Variants in GET1 observed in about 807,000 individuals in gnomAD.
GET1 encodes the protein guided entry of tail-anchored proteins factor 1, also known as congenital heart disease 5 protein.
Under a neutral mutation model 22.6 loss-of-function variants are expected in GET1, and 20 were observed. That is an observed-to-expected ratio of 0.89 (90% CI 0.62 to 1.29). The LOEUF is 1.29. Ranked by LOEUF, GET1 falls within the 50% of genes most tolerant of loss-of-function variation. GET1 has a pLI of 0.00. For missense variants in GET1, 209 were observed against 219.9 expected (o/e 0.95, Z 0.31); for synonymous variants, 92 against 83.8 (o/e 1.10, Z -0.53).
chr21:39,403,916 C>T (rs1392758335), intron 4 of GET1, among the ~76,000 whole-genome samples: 1 of 151,960 alleles, frequency 6.6e-6, no homozygotes, highest in East Asian at 1.9e-4. Flanking sequence ...CCACTGCGCC[C>T]GGCTCTATTT....
chr21:39,411,497 G>A (rs1320462760), downstream of GET1, among the ~76,000 whole-genome samples: 1 of 152,158 alleles, frequency 6.6e-6, no homozygotes, highest in Admixed American at 6.6e-5. Context: ...CTGAAGAAAG[G>A]ACATAAAGGG....
intron 1 of GET1, among the ~76,000 whole-genome samples, chr21:39,414,673 TAG>T (rs1486331740): frequency 6.6e-6 from 1 of 150,760 alleles, no homozygotes; most frequent in East Asian, 2.0e-4. Flanking sequence ...CTGCCAAGGC[TAG>T]GTCATAAAAG....
chr21:39,392,992 G>A (rs1167481683), intron 3 of GET1, 174 bp from the exon 4 acceptor site: 2 of 567,636 alleles, frequency 3.5e-6, no homozygotes, highest in Admixed American at 3.1e-5. Context: ...TTCACCAAGG[G>A]ACATTAGTGG....
chr21:39,420,582 A>T, intron 1 of GET1: 1 of 583,348 alleles, frequency 1.7e-6, no homozygotes, highest in South Asian at 4.1e-5. Context: ...CCCCCTACAA[A>T]GGGTAGAGGA....
rs1260671917 is a variant in GET1, at chr21:39,393,168, T to A, written c.339T>A (p.Ala113=). 1.2e-6 allele frequency: 2 copies of A among 1,614,042 alleles called. No individual in the cohort carries two copies. Among genetic ancestry groups the A allele is most frequent in the Middle Eastern group, 1.7e-4 (1 of 6,056 alleles). The change falls in exon 4 of 5, where the codon GCT becomes GCA. Residue 113 remains alanine, a splice_region_variant and synonymous_variant. Coordinates refer to ENST00000649170, the MANE Select transcript of GET1 (RefSeq NM_004627.6). ...VISVAFYVLQ[A]ALMISLIWKY... ...GCTCACCAGAGGTGTCTTTACAGGC[T>A]GCCCTGATGATCTCACTCATTTGGA...
chr21:39,414,070 AC>A (rs2040592856), intron 1 of GET1: 1 of 152,244 alleles, frequency 6.6e-6, no homozygotes, highest in Non-Finnish European at 1.5e-5. Flanking sequence ...AACCCGGGAT[AC>A]TTGTGTGGTT....
rs576590196 is a variant in GET1, at chr21:39,396,269, G to A, written c.452-597G>A. 9.9e-5 allele frequency among the ~76,000 whole-genome samples: 15 copies of A among 152,224 alleles called. No individual in the cohort carries two copies. In the South Asian group the frequency reaches 2.9e-3, roughly 29 times the overall value. On this transcript the variant is annotated intron_variant, in intron 4 of 4. Transcript: ENST00000649170. Reference sequence around the variant, plus strand: ...AATTAGCCGGGTGTCGGCCGGGTGCGGTGGCTCATGCCTGTAATCCCAGCA... The same window carrying A: ...AATTAGCCGGGTGTCGGCCGGGTGCAGTGGCTCATGCCTGTAATCCCAGCA...
At chr21:39,395,379 T>C (rs1282775897) in intron 4 of GET1, among the ~76,000 whole-genome samples, 1 of 152,114 alleles carries the variant, frequency 6.6e-6, no homozygotes, top group Non-Finnish European at 1.5e-5. Flanking sequence ...TTTTTTTTTT[T>C]TTTAAGACCG....
chr21:39,391,403 G>A (rs921116672), intron 2 of GET1: 3 of 281,058 alleles, frequency 1.1e-5, no homozygotes, highest in Non-Finnish European at 2.0e-5. Context: ...CCAGGCCCAG[G>A]ACAAGCTGGA....
intron 1 of GET1, chr21:39,428,069 G>T: frequency 5.8e-6 from 4 of 684,038 alleles, no homozygotes; most frequent in South Asian, 1.9e-5. Context: ...TTACAATATG[G>T]GAAAACAATA....
intron 1 of GET1, chr21:39,387,844 C>A (rs1297069596): frequency 1.0e-6 from 1 of 984,520 alleles, no homozygotes; most frequent in African/African-American, 1.8e-5. Flanking sequence ...GTGCGGCAGG[C>A]GGAGGAGACC....
chr21:39,421,778 G>A lies in GET1; in HGVS notation c.*24-6454G>A, dbSNP rs145661880. 60 of 152,286 alleles carry A rather than the reference G, an allele frequency of 3.9e-4. No homozygotes were observed. In the East Asian group the frequency reaches 9.1e-3, roughly 23 times the overall value. The allele number at this position is 152,286 out of a possible 1,614,324, so 9.4% of individuals were successfully genotyped here. On this transcript the variant is annotated intron_variant, in intron 1 of 1. Transcript: ENST00000478273. ...AAATACCACTCCCTAAAACATTAAT[G>A]TTAAAGAAATAACATGTTTTGGTCC...
chr21:39,395,869 G>A (rs2038609049), intron 4 of GET1, among the ~76,000 whole-genome samples: 1 of 152,206 alleles, frequency 6.6e-6, no homozygotes, highest in African/African-American at 2.4e-5. Context: ...AGGGGGATAT[G>A]TATGCCTCTC....
At position 39,394,255 on chromosome 21, in the gene GET1, G is replaced by A. The variant is rs8131718; in HGVS notation, c.451+975G>A. 2.6e-5 allele frequency among the ~76,000 whole-genome samples: 4 copies of A among 152,026 alleles called. No homozygotes were observed. In the East Asian group the frequency reaches 5.9e-4, roughly 22 times the overall value. ...TGAGGTGTGAGAATCACTTGAATCCGAGAGGTTGCAGTGAGCTGAGATCAC... is the reference window on the plus strand; with the variant it reads ...TGAGGTGTGAGAATCACTTGAATCCAAGAGGTTGCAGTGAGCTGAGATCAC... On this transcript the variant is annotated intron_variant, in intron 4 of 4. Transcript: ENST00000649170.
intron 4 of GET1, among the ~76,000 whole-genome samples, chr21:39,403,647 A>T (rs2038901566): frequency 6.8e-6 from 1 of 148,078 alleles, no homozygotes; most frequent in Non-Finnish European, 1.5e-5. Context: ...TTTGAGATGG[A>T]GTCTCACTCT....
intron 4 of GET1, 134 bp downstream of exon 4, chr21:39,393,414 A>G (rs556976288): frequency 1.8e-5 from 12 of 679,716 alleles, no homozygotes; most frequent in African/African-American, 9.0e-5. Context: ...TCAGCCTCAC[A>G]TGAGGCTTCC....
downstream of GET1, among the ~76,000 whole-genome samples, chr21:39,402,215 T>C (rs1464597127): frequency 6.6e-6 from 1 of 152,172 alleles, no homozygotes; most frequent in Non-Finnish European, 1.5e-5. Context: ...GCGATTCTCC[T>C]GCCTCAGCCT....
chr21:39,408,800 C>T (rs1249910861), downstream of GET1: 1 of 152,224 alleles, frequency 6.6e-6, no homozygotes, highest in East Asian at 1.9e-4. Context: ...TTCTATCTCC[C>T]AGGATGATTC....
chr21:39,426,461 T>A (rs1427376970), intron 1 of GET1, among the ~76,000 whole-genome samples: 1 of 152,222 alleles, frequency 6.6e-6, no homozygotes, highest in Non-Finnish European at 1.5e-5. Flanking sequence ...GATCTCTTAT[T>A]GTAAACCCTT....
Sources: allele counts gnomAD v4.1 joint callset (sites outside exome capture counted in the v4.1 genomes callset), GRCh38; gene constraint gnomAD v4.1.1; transcripts MANE v1.5; gene names NCBI Gene and HGNC (gene_info 2026-07-23, HGNC 2026-07-21).